POTEF: variants seen among roughly 807,000 people sequenced by gnomAD.
POTEF encodes ANKRD26-like family C member 1B.
In POTEF, 20 loss-of-function variants were observed where a neutral mutation model predicts 83.2. The observed-to-expected ratio is 0.24, with a 90% CI of 0.17 to 0.35. The LOEUF (loss-of-function observed/expected upper bound fraction) is 0.35. POTEF is among the 10% of genes least tolerant of loss of function. POTEF has a pLI of 1.00. For missense variants in POTEF, 550 were observed against 1,203.2 expected, an observed-to-expected ratio of 0.46 and a Z score of 8.03; for synonymous variants, 196 against 446.4, an observed-to-expected ratio of 0.44 and a Z score of 7.07.
chr2:130,103,343 C>T (rs1448526022), intron 8 of POTEF, among the ~76,000 whole-genome samples: 1 of 150,632 alleles, frequency 6.6e-6, no homozygotes, highest in Non-Finnish European at 1.5e-5. Context: ...TTGTGATCTG[C>T]CTGCTCCAGC....
chr2:130,110,265 C>CA (rs1236697201), intron 7 of POTEF, among the ~76,000 whole-genome samples: 2 of 150,664 alleles, frequency 1.3e-5, no homozygotes, highest in Non-Finnish European at 2.9e-5. Context: ...TTTTTTATCC[C>CA]TGCATAGGTG....
intron 11 of POTEF, among the ~76,000 whole-genome samples, chr2:130,098,426 A>G (rs1450293680): frequency 6.6e-6 from 1 of 151,856 alleles, no homozygotes. Context: ...GGCACTGACA[A>G]TAAAAATTTA....
rs1684723934 is a variant in POTEF, at chr2:130,111,933, T to C, written c.917+62A>G. On this transcript the variant is annotated intron_variant, in intron 6 of 16. Transcript: ENST00000409914. Reference sequence around the variant, plus strand: ...GTATACATTAATCTTATTAATTTAATATTTATGACTTGAGTGACTGCTGTC... The same window carrying C: ...GTATACATTAATCTTATTAATTTAACATTTATGACTTGAGTGACTGCTGTC... 9 of 1,468,342 alleles carry C rather than the reference T, an allele frequency of 6.1e-6. No individual in the cohort carries two copies. In the Admixed American group the frequency reaches 1.9e-4, roughly 31 times the overall value. The allele number at this position is 1,468,342 out of a possible 1,614,324, so 91.0% of individuals were successfully genotyped here. A position where few individuals can be genotyped will look rare whatever the true frequency, so the allele number is the denominator to read the frequency against.
At chr2:130,105,690 C>A in intron 8 of POTEF, among the ~76,000 whole-genome samples, 1 of 148,230 alleles carries the variant, frequency 6.7e-6, no homozygotes, top group East Asian at 2.0e-4. Context: ...TGGCCATTTA[C>A]AGAAAAAGCT....
chr2:130,105,283 GA>G (rs1156698811), intron 8 of POTEF, among the ~76,000 whole-genome samples: 2 of 151,232 alleles, frequency 1.3e-5, no homozygotes, highest in Non-Finnish European at 2.9e-5. Flanking sequence ...CAAAACAAAT[GA>G]AAAAAGCATA....
chr2:130,121,074 G>A (rs1573617931), intron 2 of POTEF, among the ~76,000 whole-genome samples: 1 of 151,868 alleles, frequency 6.6e-6, no homozygotes, highest in African/African-American at 2.4e-5. Flanking sequence ...CGGCGTGCGC[G>A]TGCAAGCCGT....
intron 8 of POTEF, chr2:130,107,589 T>C (rs192972438): frequency 0.025 from 6,051 of 239,448 alleles, 651 homozygotes; most frequent in African/African-American, 0.14. Flanking sequence ...ATGGCTCATA[T>C]TACAGCCTCT....
chr2:130,093,046 T>C (rs1434226148), intron 12 of POTEF, among the ~76,000 whole-genome samples: 9 of 143,954 alleles, frequency 6.3e-5, no homozygotes, highest in Admixed American at 6.2e-4. Context: ...TCCAGTCAGA[T>C]CAGTGATAGC....
chr2:130,119,568 T>C (rs947918565), intron 3 of POTEF, among the ~76,000 whole-genome samples: 4 of 151,462 alleles, frequency 2.6e-5, no homozygotes, highest in African/African-American at 7.3e-5. Flanking sequence ...ATTTACATAC[T>C]GTACATTGAT....
At chr2:130,107,073 T>C (rs1684556359) in intron 8 of POTEF, among the ~76,000 whole-genome samples, 3 of 148,292 alleles carry the variant, frequency 2.0e-5, no homozygotes, top group Admixed American at 2.0e-4. Flanking sequence ...GACAATATAA[T>C]GTATTAGGTG....
intron 11 of POTEF, among the ~76,000 whole-genome samples, chr2:130,094,874 A>G (rs1684203787): frequency 8.3e-6 from 1 of 119,942 alleles, no homozygotes; most frequent in Non-Finnish European, 1.7e-5. Context: ...GATTACTATT[A>G]AAGAATAAAT....
chr2:130,076,549 T>C (rs1683810814), intron 16 of POTEF, among the ~76,000 whole-genome samples: 1 of 146,602 alleles, frequency 6.8e-6, no homozygotes, highest in Non-Finnish European at 1.5e-5. Flanking sequence ...TACTTATCAA[T>C]AAATTATTAC....
At chr2:130,111,774 C>A (rs1321133880) in intron 6 of POTEF, among the ~76,000 whole-genome samples, 1 of 147,412 alleles carries the variant, frequency 6.8e-6, no homozygotes, top group Non-Finnish European at 1.5e-5. Context: ...AAAAATGTCA[C>A]ATAACAAATA....
chr2:130,101,948 AATTT>A (rs1684385049), intron 9 of POTEF, among the ~76,000 whole-genome samples, 158 bp downstream of exon 9: 3 of 131,722 alleles, frequency 2.3e-5, no homozygotes, highest in African/African-American at 9.0e-5. Flanking sequence ...GAGATTACTG[AATTT>A]ATTAAAATAA....
intron 1 of POTEF, among the ~76,000 whole-genome samples, chr2:130,128,283 G>A (rs1234421520): frequency 6.6e-6 from 1 of 151,720 alleles, no homozygotes; most frequent in Non-Finnish European, 1.5e-5. Context: ...GGGAGGTGCA[G>A]GCCGGAGAAC....
At position 130,120,294 on chromosome 2, in the gene POTEF, C is replaced by G. The variant is rs781415101; in HGVS notation, c.222G>C (p.Gly74=). The G allele has an allele frequency of 3.7e-6, 6 of 1,607,020 alleles. No homozygotes were observed. Among genetic ancestry groups the G allele is most frequent in the Admixed American group, 1.7e-5 (1 of 59,460 alleles). Residue 74 remains glycine, a synonymous_variant, in exon 3 of 17, where the codon GGG becomes GGC. Transcript: ENST00000409914. ...WCRHCFPCCR[G]SGKSNVGASG... is the part of the protein sequence containing the mutation. Reference sequence around the variant, plus strand: ...AAGCGCCCACGTTGCTCTTGCCACTCCCCCTGCAGCAGGGGAAGCAGTGGC... The same window carrying G: ...AAGCGCCCACGTTGCTCTTGCCACTGCCCCTGCAGCAGGGGAAGCAGTGGC...
chr2:130,128,411 C>T (rs956979101), intron 1 of POTEF, among the ~76,000 whole-genome samples: 4 of 151,800 alleles, frequency 2.6e-5, no homozygotes, highest in African/African-American at 9.7e-5. Context: ...CTGTCCCCAC[C>T]ACCTCTGCAG....
chr2:130,122,272 T>C (rs1685017212), intron 2 of POTEF, among the ~76,000 whole-genome samples: 2 of 151,280 alleles, frequency 1.3e-5, no homozygotes, highest in Admixed American at 6.6e-5. Flanking sequence ...TAAATACTTT[T>C]ATGTGTAAGG....
chr2:130,103,147 C>A (rs1684420356), intron 8 of POTEF, among the ~76,000 whole-genome samples: 2 of 144,266 alleles, frequency 1.4e-5, no homozygotes, highest in African/African-American at 2.7e-5. Context: ...TGTCACCAGG[C>A]TGGAGTGCAG....
Sources: allele counts gnomAD v4.1 joint callset (sites outside exome capture counted in the v4.1 genomes callset), GRCh38; gene constraint gnomAD v4.1.1; transcripts MANE v1.5; gene names NCBI Gene and HGNC (gene_info 2026-07-23, HGNC 2026-07-21).